Variants in MACROD2 observed in about 807,000 individuals in gnomAD.
MACROD2 encodes the protein mono-ADP ribosylhydrolase 2.
In MACROD2, 36 loss-of-function variants were observed where a neutral mutation model predicts 70.4. That is an observed-to-expected ratio of 0.51 (90% CI 0.39 to 0.68). The LOEUF is 0.68. Among genes scored for constraint, MACROD2 ranks in the 30% least tolerant of loss-of-function variants. MACROD2 has a pLI of 0.00. For synonymous variants in MACROD2, 172 were observed against 178.8 expected (o/e 0.96, Z 0.30); for missense variants, 496 against 538.4 (o/e 0.92, Z 0.78).
chr20:14,371,469 G>A (rs2083322699), intron 3 of MACROD2, among the ~76,000 whole-genome samples: 2 of 152,068 alleles, frequency 1.3e-5, no homozygotes, highest in African/African-American at 4.8e-5. Context: ...TGCGCTGAGT[G>A]ACAGAGTGAG....
chr20:15,021,844 T>C (rs961962830), intron 5 of MACROD2, among the ~76,000 whole-genome samples: 5 of 152,068 alleles, frequency 3.3e-5, no homozygotes, highest in African/African-American at 9.7e-5. Context: ...CTATGGACTT[T>C]AGTTAATAAT....
At chr20:15,386,774 G>A (rs148683289) in intron 6 of MACROD2, among the ~76,000 whole-genome samples, 1 of 152,224 alleles carries the variant, frequency 6.6e-6, no homozygotes, top group Non-Finnish European at 1.5e-5. Flanking sequence ...GGTGCCACAG[G>A]CATATTGACC....
chr20:14,523,116 T>G (rs1344118982), intron 4 of MACROD2, among the ~76,000 whole-genome samples: 1 of 152,100 alleles, frequency 6.6e-6, no homozygotes, highest in Admixed American at 6.6e-5. Context: ...TAGATGATCT[T>G]CCATTAAAAA....
intron 8 of MACROD2, among the ~76,000 whole-genome samples, chr20:15,756,359 A>G (rs748186646): frequency 2.6e-5 from 4 of 152,188 alleles, no homozygotes; most frequent in Non-Finnish European, 4.4e-5. Context: ...TTTATAATGT[A>G]TTCAGTTTAA....
chr20:14,890,981 TCCTTCCTTCCTC>T (rs1245179152), intron 5 of MACROD2, among the ~76,000 whole-genome samples: 1 of 139,428 alleles, frequency 7.2e-6, no homozygotes, highest in African/African-American at 2.9e-5. Flanking sequence ...CTTCCTTCCT[TCCTTCCTTCCTC>T]CCTCCCTCCC....
At chr20:15,227,236 T>C (rs1258604066) in intron 5 of MACROD2, among the ~76,000 whole-genome samples, 3 of 152,158 alleles carry the variant, frequency 2.0e-5, no homozygotes, top group Non-Finnish European at 4.4e-5. Flanking sequence ...TTTCATAAAT[T>C]TCATTTAAGT....
chr20:14,328,058 A>G (rs1428393354), intron 3 of MACROD2, among the ~76,000 whole-genome samples: 1 of 152,046 alleles, frequency 6.6e-6, no homozygotes, highest in Non-Finnish European at 1.5e-5. Flanking sequence ...AATGTCATAA[A>G]AATACCTATT....
chr20:16,028,846 G>A (rs954698843), intron 15 of MACROD2, among the ~76,000 whole-genome samples: 1 of 152,128 alleles, frequency 6.6e-6, no homozygotes, highest in Non-Finnish European at 1.5e-5. Flanking sequence ...AAACAGACTA[G>A]GTGAGTAACA....
intron 8 of MACROD2, among the ~76,000 whole-genome samples, chr20:15,550,143 T>A (rs1403670233): frequency 6.6e-6 from 1 of 151,936 alleles, no homozygotes; most frequent in East Asian, 1.9e-4. Flanking sequence ...TCAGATCTCT[T>A]TATCATCCTG....
At chr20:14,700,762 G>T (rs2071187826) in intron 5 of MACROD2, among the ~76,000 whole-genome samples, 1 of 152,104 alleles carries the variant, frequency 6.6e-6, no homozygotes, top group Non-Finnish European at 1.5e-5. Context: ...TTTGGACTCT[G>T]ACACAGTCAT....
chr20:14,309,218 T>C (rs536547210), intron 3 of MACROD2, among the ~76,000 whole-genome samples: 3 of 152,326 alleles, frequency 2.0e-5, no homozygotes, highest in African/African-American at 7.2e-5. Flanking sequence ...AGGGACAGTA[T>C]GATTCAACCT....
intron 8 of MACROD2, among the ~76,000 whole-genome samples, chr20:15,584,332 C>A (rs1375946390): frequency 5.3e-5 from 8 of 150,718 alleles, no homozygotes; most frequent in African/African-American, 2.0e-4. Context: ...AGAAAGAAAG[C>A]AAATTATAGA....
At chr20:14,030,227 A>T (rs1326429740) in intron 2 of MACROD2, among the ~76,000 whole-genome samples, 3 of 152,048 alleles carry the variant, frequency 2.0e-5, no homozygotes, top group African/African-American at 7.2e-5. Flanking sequence ...TTGTAGAGAC[A>T]GGATCTTGCT....
intron 8 of MACROD2, among the ~76,000 whole-genome samples, chr20:15,654,394 G>A (rs1317301216): frequency 6.6e-6 from 1 of 152,212 alleles, no homozygotes; most frequent in Non-Finnish European, 1.5e-5. Context: ...TTGTCTGGCA[G>A]GCATAAGGCC....
chr20:14,163,642 G>A (rs1342338069), intron 3 of MACROD2, among the ~76,000 whole-genome samples: 1 of 150,966 alleles, frequency 6.6e-6, no homozygotes, highest in Non-Finnish European at 1.5e-5. Context: ...CTCATTCTTT[G>A]TTTTTCTTTT....
intron 5 of MACROD2, among the ~76,000 whole-genome samples, chr20:14,849,045 C>T (rs1174368238): frequency 3.3e-5 from 5 of 152,134 alleles, no homozygotes; most frequent in African/African-American, 1.2e-4. Flanking sequence ...AGGCAGCCCC[C>T]ACCTCTTGAC....
chr20:15,808,102 C>T (rs1367981471), intron 8 of MACROD2, among the ~76,000 whole-genome samples: 3 of 152,084 alleles, frequency 2.0e-5, no homozygotes, highest in Non-Finnish European at 4.4e-5. Flanking sequence ...CGCGGACCCC[C>T]TTAGAGTTGT....
chr20:14,907,529 CG>C (rs1417290136), intron 5 of MACROD2, among the ~76,000 whole-genome samples: 1 of 152,102 alleles, frequency 6.6e-6, no homozygotes, highest in African/African-American at 2.4e-5. Flanking sequence ...TGTGATGTCC[CG>C]GGGGGAATCA....
intron 4 of MACROD2, among the ~76,000 whole-genome samples, chr20:14,674,950 G>A (rs2070841553): frequency 2.0e-5 from 3 of 152,242 alleles, no homozygotes; most frequent in Admixed American, 2.0e-4. Context: ...AAATAAATAT[G>A]TGAAAATCCA....
Sources: gnomAD v4.1 joint callset for allele counts (sites outside exome capture counted in the v4.1 genomes callset) on GRCh38, gnomAD v4.1.1 for gene constraint, MANE v1.5 for transcripts, NCBI Gene and HGNC (gene_info 2026-07-23, HGNC 2026-07-21) for gene names.